Variants in TECTA observed in about 807,000 individuals in gnomAD.
TECTA encodes alpha-tectorin.
Under a neutral mutation model 216.8 loss-of-function variants are expected in TECTA, and 128 were observed. The observed-to-expected ratio is 0.59, with a 90% confidence interval of 0.51 to 0.68. TECTA has a LOEUF of 0.68. Among genes scored for constraint, TECTA ranks in the 30% least tolerant of loss-of-function variants. TECTA has a pLI of 0.00. For synonymous variants in TECTA, 1,089 were observed against 1,117.1 expected (o/e 0.97, Z 0.50); for missense variants, 2,551 against 2,786.2 (o/e 0.92, Z 1.90).
intron 6 of TECTA, among the ~76,000 whole-genome samples, chr11:121,115,538 A>T (rs1946493574): frequency 6.6e-6 from 1 of 152,236 alleles, no homozygotes; most frequent in Non-Finnish European, 1.5e-5. Flanking sequence ...AGTTTTGGAT[A>T]GGAATGAGGA....
chr11:121,168,618 A>T (rs1947079640), intron 19 of TECTA, 59 bp from the exon 20 acceptor site: 1 of 1,613,300 alleles, frequency 6.2e-7, no homozygotes, highest in Admixed American at 1.7e-5. Context: ...GAAAAATGGT[A>T]GGTAATTGAA....
chr11:121,128,025 T>C lies in TECTA; in HGVS notation c.2048T>C (p.Val683Ala). The stretch of plus-strand genomic sequence containing the variant: ...TGCCTGTGCGAGGAGGGCGGGGACG[T>C]CTACTGCTTCAACAAGACCTGCGGC... ...VQCLCEEGGDVYCFNKTCGSG... is the reference protein window; with the variant it reads ...VQCLCEEGGDAYCFNKTCGSG... Residue 683 changes from valine to alanine, a missense_variant, in exon 9 of 24, where the codon GTC becomes GCC. Val to Ala is a moderately conservative substitution (Grantham distance 64). Around this residue, in one of 3 missense-constraint regions of TECTA, gnomAD observed 2,375 missense variants for 2,563.9 expected, o/e 0.93. Coordinates refer to ENST00000392793, the MANE Select transcript of TECTA (RefSeq NM_005422.4). 6.2e-7 allele frequency: 1 copy of C among 1,613,450 alleles called. No individual in the cohort carries two copies.
chr11:121,168,954 T>G (rs1283665169), intron 20 of TECTA, 29 bp downstream of exon 20: 1 of 1,613,918 alleles, frequency 6.2e-7, no homozygotes, highest in Non-Finnish European at 8.5e-7. Flanking sequence ...GACAACATTC[T>G]CAGAGCTTCA....
intron 20 of TECTA, among the ~76,000 whole-genome samples, chr11:121,185,153 C>T (rs780327665): frequency 6.6e-5 from 10 of 152,222 alleles, no homozygotes; most frequent in Non-Finnish European, 1.3e-4. Context: ...TAAACGTCTT[C>T]AAATTAAACT....
rs1183399077 is a variant in TECTA, at chr11:121,166,647, G to A, written c.5453G>A (p.Cys1818Tyr). ...CAAATGGAAGTGTCCATATCTAAGT[G>A]CAAGCTCTTCCAGCTCGGTTTTGAG... The part of the protein sequence containing the change: ...AAQMEVSISK[C>Y]KLFQLGFERE... The change falls in exon 18 of 24, where the codon TGC (cysteine) becomes TAC (tyrosine). Residue 1818 changes from cysteine to tyrosine, a missense_variant. By Grantham distance (194) the Cys-to-Tyr change is radical (BLOSUM62 -2). This residue lies in a region of TECTA where 2,375 missense variants were observed against 2,563.9 expected (regional missense o/e 0.93). Coordinates refer to ENST00000392793, the MANE Select transcript of TECTA (RefSeq NM_005422.4). 2 of 1,614,210 alleles carry A rather than the reference G, an allele frequency of 1.2e-6. No homozygotes were observed. The highest frequency in any genetic ancestry group is 2.2e-5 in the East Asian group (1 of 44,888).
intron 20 of TECTA, 36 bp from the exon 21 acceptor site, chr11:121,187,796 A>T (rs950331614): frequency 6.2e-7 from 1 of 1,613,500 alleles, no homozygotes; most frequent in Non-Finnish European, 8.5e-7. Flanking sequence ...AGAGGAAAAC[A>T]TGTGAAGCAA....
intron 7 of TECTA, among the ~76,000 whole-genome samples, chr11:121,123,018 G>A (rs1018899904): frequency 1.3e-5 from 2 of 152,220 alleles, no homozygotes; most frequent in African/African-American, 4.8e-5. Flanking sequence ...TGTGGCGCCT[G>A]CCACGGTAAA....
chr11:121,136,052 A>G (rs1049602297), intron 10 of TECTA, among the ~76,000 whole-genome samples: 2 of 151,318 alleles, frequency 1.3e-5, no homozygotes, highest in Admixed American at 1.3e-4. Flanking sequence ...GCCACCTCCC[A>G]GGTTCGAGCG....
chr11:121,140,550 G>A (rs754257936), intron 11 of TECTA, among the ~76,000 whole-genome samples: 3 of 152,138 alleles, frequency 2.0e-5, no homozygotes, highest in Non-Finnish European at 4.4e-5. Flanking sequence ...CAGACTGGGC[G>A]GCCTAAAACC....
At chr11:121,123,520 TC>T (rs1229829930) in intron 7 of TECTA, among the ~76,000 whole-genome samples, 2 of 152,168 alleles carry the variant, frequency 1.3e-5, no homozygotes, top group Non-Finnish European at 2.9e-5. Context: ...AATCTCAACT[TC>T]CTTCAATAAT....
Position 121,128,084 on chromosome 11 carries a change from C to T in TECTA, c.2107C>T (p.Gln703Ter). 6.2e-7 allele frequency: 1 copy of T among 1,612,822 alleles called. No homozygotes were observed. Among genetic ancestry groups the T allele is most frequent in the East Asian group, 2.2e-5 (1 of 44,868 alleles). Reference protein sequence around the residue: ...GEVCAVEDGYQGCFPKRETVC... With the variant: ...GEVCAVEDGY ...GGTGTGCGCCGTGGAGGACGGCTAC[C>T]AGGGCTGCTTCCCCAAGCGGGAGAC... is the stretch of plus-strand genomic sequence containing the variant. The change falls in exon 9 of 24, where the codon CAG becomes TAG. Residue 703 changes from glutamine to a stop codon, truncating the protein, a stop_gained. Transcript: ENST00000392793. LOFTEE classifies it high-confidence loss of function.
At chr11:121,107,674 C>T (rs1188976154) in intron 3 of TECTA, among the ~76,000 whole-genome samples, 2 of 152,196 alleles carry the variant, frequency 1.3e-5, no homozygotes, top group Non-Finnish European at 2.9e-5. Context: ...GTGTCAGCCA[C>T]AGGGTTAAAT....
Position 121,181,549 on chromosome 11 carries a change from A to G in TECTA, c.6000-6283A>G, listed in dbSNP as rs189669210. 2.5e-3 allele frequency among the ~76,000 whole-genome samples: 374 copies of G among 152,098 alleles called. 4 individuals carry two copies. The highest frequency in any genetic ancestry group is 7.8e-3 in the African/African-American group (325 of 41,488). ...CAATGGCGCAATCTCAGTTCACCAC[A>G]ACCTCTGCCTCCCGGGTTCAAGTGA... On this transcript the variant is annotated intron_variant, in intron 20 of 23. Transcript: ENST00000392793.
In TECTA at chr11:121,128,121, T is replaced by C. The variant is rs761344982; in HGVS notation, c.2144T>C (p.Leu715Pro). Residue 715 changes from leucine to proline, a missense_variant, in exon 9 of 24, where the codon CTC (leucine) becomes CCC (proline). Physicochemically the swap from Leu to Pro is moderately conservative, Grantham distance 98 (BLOSUM62 -3). Coordinates refer to ENST00000392793, the MANE Select transcript of TECTA (RefSeq NM_005422.4). ...CCCAAGCGGGAGACCGTGTGCCTGC[T>C]CAGCCAGAACCAGGTGCTGCACACC... ...CFPKRETVCL[L>P]SQNQVLHTFD... is the part of the protein sequence containing the mutation. 6.2e-7 allele frequency: 1 copy of C among 1,613,072 alleles called. No individual in the cohort carries two copies. The highest frequency in any genetic ancestry group is 8.5e-7 in the Non-Finnish European group (1 of 1,179,984).
chr11:121,102,135 C>T (rs900723140), intron 1 of TECTA, among the ~76,000 whole-genome samples: 20 of 152,146 alleles, frequency 1.3e-4, no homozygotes, highest in Admixed American at 9.8e-4. Flanking sequence ...AATGATGGAT[C>T]GGCTCCATTC....
At chr11:121,168,622 A>T in intron 19 of TECTA, 55 bp from the exon 20 acceptor site, 1 of 1,613,532 alleles carries the variant, frequency 6.2e-7, no homozygotes. Context: ...AATGGTAGGT[A>T]ATTGAATAGG....
At position 121,158,078 on chromosome 11, in the gene TECTA, A is replaced by G; in HGVS notation, c.4543A>G (p.Thr1515Ala). 6.2e-7 allele frequency: 1 copy of G among 1,614,024 alleles called. No homozygotes were observed. Among genetic ancestry groups the G allele is most frequent in the Non-Finnish European group, 8.5e-7 (1 of 1,180,012 alleles). The change falls in exon 14 of 24, where the codon ACC becomes GCC. Residue 1515 changes from threonine to alanine, a missense_variant. By Grantham distance (58) the Thr-to-Ala change is moderately conservative. Coordinates refer to ENST00000392793, the MANE Select transcript of TECTA (RefSeq NM_005422.4). ...AGCCAACTGCGCCTTCGTGCTGTCC[A>G]CCATCTGCCAGAAACTGCCCGACAT... ...FPANCAFVLS[T>A]ICQKLPDISF...
chr11:121,105,781 C>T lies in TECTA; in HGVS notation c.65-50C>T, dbSNP rs757501006. On this transcript the variant is annotated intron_variant, in intron 2 of 23. Coordinates refer to ENST00000392793, the MANE Select transcript of TECTA (RefSeq NM_005422.4). This position sits in a 1 kb window ranked among gnomAD's most constrained non-coding sequence, Gnocchi z 5.3. The stretch of plus-strand genomic sequence containing the variant: ...AGTAGGTAGGAGAGATGTAGATTGC[C>T]AAACGGCAGAGGGAGCTGCCATCTA... 2 of 1,612,192 alleles carry T rather than the reference C, an allele frequency of 1.2e-6. No homozygotes were observed. The highest frequency in any genetic ancestry group is 2.2e-5 in the East Asian group (1 of 44,826).
chr11:121,134,676 T>C (rs555945881), intron 10 of TECTA, among the ~76,000 whole-genome samples: 60 of 152,306 alleles, frequency 3.9e-4, no homozygotes, highest in African/African-American at 1.4e-3. Context: ...CCCAGTTGTA[T>C]TTCATTCATG....
Sources: allele counts gnomAD v4.1 joint callset (sites outside exome capture counted in the v4.1 genomes callset), GRCh38; gene constraint gnomAD v4.1.1; regional missense constraint gnomAD v4.1.1; non-coding constraint Gnocchi (gnomAD v3.1); transcripts MANE v1.5; gene names NCBI Gene and HGNC (gene_info 2026-07-23, HGNC 2026-07-21).